GPAM: variants seen among roughly 807,000 people sequenced by gnomAD.
The protein encoded by GPAM is glycerol-3-phosphate acyltransferase, mitochondrial.
GPAM carries 56 observed loss-of-function variants against 105.0 expected under a neutral mutation model. The ratio of observed to expected loss-of-function variants is 0.53; its 90% confidence interval spans 0.43 to 0.67. The LOEUF (loss-of-function observed/expected upper bound fraction) is 0.67, where lower values mean the gene tolerates loss of function less well. Ranked by LOEUF, GPAM falls within the 30% of genes least tolerant of loss-of-function variation. The pLI, the probability that GPAM is intolerant of heterozygous loss-of-function variation, is 0.00. For synonymous variants in GPAM, 368 were observed against 354.4 expected, an observed-to-expected ratio of 1.04 and a Z score of -0.43; for missense variants, 855 against 989.8, an observed-to-expected ratio of 0.86 and a Z score of 1.83.
chr10:112,187,209 A>G (rs1847606149), upstream of GPAM, among the ~76,000 whole-genome samples: 1 of 152,204 alleles, frequency 6.6e-6, no homozygotes, highest in African/African-American at 2.4e-5. Flanking sequence ...GAATAAAGAG[A>G]AAATACATGG....
intron 17 of GPAM, among the ~76,000 whole-genome samples, chr10:112,159,058 A>G (rs1174012029): frequency 6.6e-6 from 1 of 152,180 alleles, no homozygotes; most frequent in Admixed American, 6.5e-5. Context: ...TGAATTCTAC[A>G]TGTTGATGAC....
At chr10:112,181,891 A>C (rs1847515738) in intron 2 of GPAM, 78 bp from the exon 3 acceptor site, 1 of 715,480 alleles carries the variant, frequency 1.4e-6, no homozygotes, top group Admixed American at 2.0e-5. Flanking sequence ...TGATTTCTAC[A>C]TTACTTTGCT....
chr10:112,167,338 T>C (rs1351664888), intron 11 of GPAM, among the ~76,000 whole-genome samples: 1 of 152,186 alleles, frequency 6.6e-6, no homozygotes, highest in Non-Finnish European at 1.5e-5. Context: ...ACCATTCTGA[T>C]AAAGTGGTTG....
In GPAM at chr10:112,178,042, G is replaced by T. The variant is rs11549704; in HGVS notation, c.241C>A (p.Pro81Thr). ...CGCAAACCCAAAGACGGGATACTGG[G>T]GTTGAAAAATTTGTCCTATATAAAA... ...TPQSWDKFFNPSIPSLGLRNV... is the reference protein window; with the variant it reads ...TPQSWDKFFNTSIPSLGLRNV... The change falls in exon 5 of 22, where the codon CCC (proline) becomes ACC (threonine). Residue 81 changes from proline to threonine, a missense_variant. Physicochemically the swap from Pro to Thr is conservative, Grantham distance 38. Transcript: ENST00000348367. 1.9e-6 allele frequency: 3 copies of T among 1,592,226 alleles called. No homozygotes were observed. The highest frequency in any genetic ancestry group is 2.6e-6 in the Non-Finnish European group (3 of 1,160,590).
chr10:112,157,468 A>G lies in GPAM; in HGVS notation c.1981-79T>C. On this transcript the variant is annotated intron_variant, in intron 18 of 21. Transcript: ENST00000348367. ...CTGCCCAGTGGAGCCAGGACAAGGC[A>G]GTCCTCTTCTCTGACCCTTCCTGGC... The G allele has an allele frequency of 1.4e-5, 18 of 1,323,936 alleles. 1 individual carries two copies. In the South Asian group the frequency reaches 2.2e-4, roughly 16 times the overall value. The allele number at this position is 1,323,936 out of a possible 1,614,324, so 82.0% of individuals were successfully genotyped here.
chr10:112,164,480 A>T (rs1847178176), intron 13 of GPAM, 45 bp downstream of exon 13: 4 of 955,392 alleles, frequency 4.2e-6, no homozygotes, highest in Non-Finnish European at 5.2e-6. Context: ...GAAATAACAG[A>T]TGTTTGGTAG....
intron 1 of GPAM, among the ~76,000 whole-genome samples, chr10:112,195,914 C>T (rs1463866509): frequency 6.6e-6 from 1 of 152,204 alleles, no homozygotes; most frequent in Non-Finnish European, 1.5e-5. Context: ...GCTCTTAGAG[C>T]AGGCATGCAT....
chr10:112,178,709 C>T (rs1365074785), intron 4 of GPAM, among the ~76,000 whole-genome samples: 2 of 152,256 alleles, frequency 1.3e-5, no homozygotes, highest in South Asian at 2.1e-4. Flanking sequence ...ACAAAGACCA[C>T]GCTAAGTACC....
At chr10:112,170,079 G>A (rs1847287295) in intron 9 of GPAM, among the ~76,000 whole-genome samples, 1 of 152,098 alleles carries the variant, frequency 6.6e-6, no homozygotes, top group Non-Finnish European at 1.5e-5. Context: ...GAAATAAAGT[G>A]CACAATAAAT....
At chr10:112,227,215 T>G in the GPAM span, among the ~76,000 whole-genome samples, 4 of 152,226 alleles carry the variant, frequency 2.6e-5, no homozygotes, top group African/African-American at 4.8e-5. Context: ...CCTCCTTTAC[T>G]TCCTGTGGAC....
Position 112,199,965 on chromosome 10 carries a change from T to A in GPAM, n.210+15203A>T, listed in dbSNP as rs544030419. 2.2e-4 allele frequency among the ~76,000 whole-genome samples: 33 copies of A among 151,956 alleles called. 1 individual carries two copies. Among genetic ancestry groups the A allele is most frequent in the African/African-American group, 7.7e-4 (32 of 41,450 alleles). On this transcript the variant is annotated intron_variant and non_coding_transcript_variant, in intron 1 of 3. Coordinates refer to the GPAM transcript ENST00000480130. Reference sequence around the variant, plus strand: ...CAGCCAAACCATATAAGTATACATATCAAAACATCACATTGTACACCATAA... The same window carrying A: ...CAGCCAAACCATATAAGTATACATAACAAAACATCACATTGTACACCATAA...
chr10:112,194,219 G>A (rs1377231277), intron 1 of GPAM, among the ~76,000 whole-genome samples: 4 of 152,166 alleles, frequency 2.6e-5, no homozygotes, highest in African/African-American at 4.8e-5. Context: ...GCTTTGTTGG[G>A]TAAAGAAGTG....
chr10:112,176,212 C>G (rs920602853), intron 5 of GPAM, among the ~76,000 whole-genome samples: 1 of 152,096 alleles, frequency 6.6e-6, no homozygotes, highest in Non-Finnish European at 1.5e-5. Context: ...ATTGACAAGG[C>G]AGATCAGTTG....
At chr10:112,188,495 C>G (rs1386088174), upstream of GPAM, among the ~76,000 whole-genome samples, 1 of 152,104 alleles carries the variant, frequency 6.6e-6, no homozygotes, top group Admixed American at 6.5e-5. Context: ...CTGGTCCCAC[C>G]CATTGTACCA....
At position 112,153,540 on chromosome 10, in the gene GPAM, C is replaced by T. The variant is rs375893400; in HGVS notation, c.*10G>A. 2.2e-5 allele frequency: 36 copies of T among 1,613,678 alleles called. No individual in the cohort carries two copies. In the Admixed American group the frequency reaches 6.0e-4, roughly 27 times the overall value. ...CATGACCTTCATTTGCCAGCAGTGC[C>T]ACACGTTACCTACAGCACCACAAAA... On this transcript the variant is annotated 3_prime_UTR_variant, in exon 22 of 22. Coordinates refer to ENST00000348367, the MANE Select transcript of GPAM (RefSeq NM_001244949.2).
chr10:112,165,761 A>G (rs1357420541), intron 12 of GPAM, among the ~76,000 whole-genome samples: 2 of 152,238 alleles, frequency 1.3e-5, no homozygotes, highest in Non-Finnish European at 2.9e-5. Context: ...ATTTTGAAAC[A>G]TAAGATATAA....
intron 1 of GPAM, among the ~76,000 whole-genome samples, chr10:112,201,501 C>T (rs1564690124): frequency 6.6e-6 from 1 of 152,180 alleles, no homozygotes; most frequent in Non-Finnish European, 1.5e-5. Flanking sequence ...CCCTCGTCCC[C>T]AAGGTCATCT....
intron 20 of GPAM, 83 bp from the exon 21 acceptor site, chr10:112,154,770 G>A: frequency 2.7e-6 from 3 of 1,113,058 alleles, no homozygotes; most frequent in Non-Finnish European, 2.7e-6. Context: ...AGAAAGTATG[G>A]GGAGCTAGGA....
intron 1 of GPAM, among the ~76,000 whole-genome samples, chr10:112,211,387 C>T (rs1488341718): frequency 6.6e-6 from 1 of 152,128 alleles, no homozygotes; most frequent in Non-Finnish European, 1.5e-5. Context: ...GTCCAACTCT[C>T]TCATTTTATT....
Sources: gnomAD v4.1 joint callset for allele counts (sites outside exome capture counted in the v4.1 genomes callset) on GRCh38, gnomAD v4.1.1 for gene constraint, MANE v1.5 for transcripts, NCBI Gene and HGNC (gene_info 2026-07-23, HGNC 2026-07-21) for gene names.